The following CFAP299 variants were observed in gnomAD, a reference collection of about 807,000 sequenced individuals.
CFAP299 encodes cilia and flagella associated protein 299.
A neutral mutation model predicts 27.0 loss-of-function variants in CFAP299; 21 were observed. That is an observed-to-expected ratio of 0.78 (90% CI 0.55 to 1.12). CFAP299 has a LOEUF of 1.12. Ranked by LOEUF, CFAP299 falls within the 50% of genes most tolerant of loss-of-function variation. The probability of loss-of-function intolerance (pLI) is 0.00; values close to 1 mark genes in which losing one functional copy is unlikely to be tolerated. For synonymous variants in CFAP299, 104 were observed against 98.1 expected (o/e 1.06, Z -0.36); for missense variants, 310 against 276.6 (o/e 1.12, Z -0.86).
intron 3 of CFAP299, among the ~76,000 whole-genome samples, chr4:80,836,281 A>G (rs1019266142): frequency 3.3e-5 from 5 of 152,218 alleles, no homozygotes; most frequent in African/African-American, 4.8e-5. Context: ...TATGCTGCTT[A>G]TAAAAAATTA....
intron 2 of CFAP299, among the ~76,000 whole-genome samples, chr4:80,544,116 G>A (rs762312760): frequency 1.3e-5 from 2 of 152,124 alleles, no homozygotes; most frequent in Non-Finnish European, 2.9e-5. Flanking sequence ...AACTTTATAA[G>A]CAAAGGAGAA....
intron 2 of CFAP299, among the ~76,000 whole-genome samples, chr4:80,363,906 G>A (rs1442800190): frequency 1.3e-5 from 2 of 151,996 alleles, no homozygotes; most frequent in Admixed American, 6.6e-5. Context: ...GGCTAACACA[G>A]CAAAACCCTG....
chr4:80,673,694 T>C (rs957623207), intron 3 of CFAP299, among the ~76,000 whole-genome samples: 6 of 152,236 alleles, frequency 3.9e-5, no homozygotes, highest in Admixed American at 2.6e-4. Context: ...TGAATCTTGA[T>C]GCTCCTGTAT....
At chr4:80,666,382 C>G (rs1351631911) in intron 3 of CFAP299, among the ~76,000 whole-genome samples, 3 of 152,104 alleles carry the variant, frequency 2.0e-5, no homozygotes, top group Admixed American at 6.6e-5. Flanking sequence ...TGCTCTCTCC[C>G]CTCAACTCCA....
At chr4:80,668,063 T>C (rs1053591714) in intron 3 of CFAP299, among the ~76,000 whole-genome samples, 1 of 152,156 alleles carries the variant, frequency 6.6e-6, no homozygotes, top group African/African-American at 2.4e-5. Flanking sequence ...CTCATTTCTC[T>C]GATTATTAGT....
chr4:80,508,848 C>G (rs886909088), intron 2 of CFAP299, among the ~76,000 whole-genome samples: 2 of 152,182 alleles, frequency 1.3e-5, no homozygotes, highest in African/African-American at 4.8e-5. Flanking sequence ...ATGAGCCACA[C>G]CACCCAGCCT....
intron 5 of CFAP299, among the ~76,000 whole-genome samples, chr4:80,962,663 A>C (rs968823253): frequency 6.6e-6 from 1 of 151,998 alleles, no homozygotes; most frequent in Non-Finnish European, 1.5e-5. Context: ...TTAGCACAAG[A>C]AATTAAGTAC....
chr4:80,426,159 G>C (rs1727519834), intron 2 of CFAP299, among the ~76,000 whole-genome samples: 1 of 151,162 alleles, frequency 6.6e-6, no homozygotes, highest in Non-Finnish European at 1.5e-5. Context: ...TTAAAAGACA[G>C]TCTGACATTT....
At position 80,860,336 on chromosome 4, in the gene CFAP299, C is replaced by G. The variant is rs540846800; in HGVS notation, c.334-9657C>G. On this transcript the variant is annotated intron_variant, in intron 3 of 5. Coordinates refer to ENST00000358105, the MANE Select transcript of CFAP299 (RefSeq NM_152770.3). ...TCTAAATTTTTTTCAAAGTTTTTAA[C>G]TTCTTTGCCTTTGGTTTGAATTTCC... Among the ~76,000 whole-genome samples, 6 of 152,228 alleles carry G rather than the reference C, an allele frequency of 3.9e-5. No individual in the cohort carries two copies. The East Asian group carries it at 9.6e-4, about 24-fold the overall frequency.
At chr4:80,799,432 T>C (rs1248501575) in intron 3 of CFAP299, among the ~76,000 whole-genome samples, 1 of 92,784 alleles carries the variant, frequency 1.1e-5, no homozygotes, top group African/African-American at 4.5e-5. Context: ...ATTTATAATA[T>C]ATATAATATT....
Position 80,785,839 on chromosome 4 carries a change from T to C in CFAP299, c.334-84154T>C, listed in dbSNP as rs1727218168. Among the ~76,000 whole-genome samples, 6 of 152,048 alleles carry C rather than the reference T, an allele frequency of 3.9e-5. 1 individual carries two copies. The South Asian group carries it at 1.2e-3, about 32-fold the overall frequency. On this transcript the variant is annotated intron_variant, in intron 3 of 5. Transcript: ENST00000358105. The stretch of plus-strand genomic sequence containing the variant: ...AGTGTGACTTTTTTAATTGAAAGAG[T>C]CTATAAGTGGTTTCATCAATTTAGG...
chr4:80,335,502 T>C (rs1281949197), upstream of CFAP299, among the ~76,000 whole-genome samples: 1 of 152,220 alleles, frequency 6.6e-6, no homozygotes, highest in African/African-American at 2.4e-5. Context: ...AACTTTGGAT[T>C]GCAGTTTGCA....
At chr4:80,721,193 C>G (rs553062642) in intron 3 of CFAP299, among the ~76,000 whole-genome samples, 1 of 152,074 alleles carries the variant, frequency 6.6e-6, no homozygotes, top group Non-Finnish European at 1.5e-5. Context: ...GAAATAATGG[C>G]TGAAAATTTT....
intron 3 of CFAP299, among the ~76,000 whole-genome samples, chr4:80,603,874 C>T (rs894207102): frequency 3.3e-5 from 5 of 152,138 alleles, no homozygotes; most frequent in African/African-American, 1.2e-4. Flanking sequence ...GAAAAACAAT[C>T]TCTAGAATTA....
At chr4:80,937,303 TTTTTCTTTC>T (rs1736945725) in intron 4 of CFAP299, among the ~76,000 whole-genome samples, 1 of 137,478 alleles carries the variant, frequency 7.3e-6, no homozygotes, top group Non-Finnish European at 1.5e-5. Context: ...TTTTTCTTTT[TTTTTCTTTC>T]TTTTTTTTTT....
At chr4:80,603,117 G>A (rs1737450180) in intron 3 of CFAP299, among the ~76,000 whole-genome samples, 1 of 152,084 alleles carries the variant, frequency 6.6e-6, no homozygotes, top group African/African-American at 2.4e-5. Flanking sequence ...AGGAATTATG[G>A]ATTTGACTAA....
Position 80,435,115 on chromosome 4 carries a change from G to T in CFAP299, c.242+72231G>T, listed in dbSNP as rs370237900. On this transcript the variant is annotated intron_variant, in intron 2 of 5. Transcript: ENST00000358105. ...CTATAATTTGAGGACTTTAAGGGTT[G>T]AAAAAGGCAACTTTTCCTGTACTTC... Among the ~76,000 whole-genome samples, 80 of 152,294 alleles carry T rather than the reference G, an allele frequency of 5.3e-4. 1 individual carries two copies. The highest frequency in any genetic ancestry group is 1.8e-3 in the African/African-American group (73 of 41,564).
rs543194733 is a variant in CFAP299, at chr4:80,839,135, G to T, written c.334-30858G>T. On this transcript the variant is annotated intron_variant, in intron 3 of 5. Transcript: ENST00000358105. ...TTTCCTTCCAAAAGAATTGTGAACTGCTTGGTGGCAAATCATATACATTAT... is the reference window on the plus strand; with the variant it reads ...TTTCCTTCCAAAAGAATTGTGAACTTCTTGGTGGCAAATCATATACATTAT... Among the ~76,000 whole-genome samples, 30 of 152,236 alleles carry T rather than the reference G, an allele frequency of 2.0e-4. No homozygotes were observed. The South Asian group carries it at 6.0e-3, about 31-fold the overall frequency.
chr4:80,599,756 G>A (rs1222630093), intron 3 of CFAP299, among the ~76,000 whole-genome samples: 1 of 152,032 alleles, frequency 6.6e-6, no homozygotes, highest in African/African-American at 2.4e-5. Context: ...CACCCACAGG[G>A]AATCTTTAAG....
Sources: gnomAD v4.1 joint callset for allele counts (sites outside exome capture counted in the v4.1 genomes callset) on GRCh38, gnomAD v4.1.1 for gene constraint, MANE v1.5 for transcripts, NCBI Gene and HGNC (gene_info 2026-07-23, HGNC 2026-07-21) for gene names.